The following TLK2 variants were observed in gnomAD, a reference collection of about 807,000 sequenced individuals.
TLK2 encodes serine/threonine-protein kinase tousled-like 2.
TLK2 carries 6 observed loss-of-function variants against 117.3 expected under a neutral mutation model. The ratio of observed to expected loss-of-function variants is 0.05; its 90% CI spans 0.03 to 0.10. TLK2 has a LOEUF of 0.10. Ranked by LOEUF, TLK2 falls within the 10% of genes least tolerant of loss-of-function variation. The pLI is 1.00. For synonymous variants in TLK2, 257 were observed against 316.7 expected, an observed-to-expected ratio of 0.81 and a Z score of 2.00; for missense variants, 299 against 901.2, an observed-to-expected ratio of 0.33 and a Z score of 8.56.
chr17:62,557,072 G>A (rs1421325827), intron 9 of TLK2, among the ~76,000 whole-genome samples: 1 of 152,180 alleles, frequency 6.6e-6, no homozygotes, highest in African/African-American at 2.4e-5. Context: ...CTACAGGCAT[G>A]TGCCACTGTG....
intron 2 of TLK2, among the ~76,000 whole-genome samples, chr17:62,484,277 A>G (rs1279760550): frequency 6.6e-6 from 1 of 152,014 alleles, no homozygotes. Context: ...GAGCCGGGAA[A>G]AGAAAATCTC....
chr17:62,569,405 T>C (rs1249079700), intron 11 of TLK2, among the ~76,000 whole-genome samples: 1 of 151,682 alleles, frequency 6.6e-6, no homozygotes, highest in Admixed American at 6.6e-5. Context: ...TTAAAATAAT[T>C]TTGTTTAAAT....
chr17:62,480,664 A>G (rs1385166052), intron 1 of TLK2, among the ~76,000 whole-genome samples: 2 of 152,184 alleles, frequency 1.3e-5, no homozygotes, highest in Non-Finnish European at 2.9e-5. Context: ...TTCATCCTAT[A>G]TTCTTTTGAA....
intron 6 of TLK2, among the ~76,000 whole-genome samples, chr17:62,530,289 C>G (rs1346472130): frequency 6.6e-6 from 1 of 151,742 alleles, no homozygotes; most frequent in African/African-American, 2.4e-5. Flanking sequence ...AACAAACAAA[C>G]AAACAAACAA....
At chr17:62,524,500 G>A (rs183609653) in intron 6 of TLK2, among the ~76,000 whole-genome samples, 169 bp downstream of exon 6, 2 of 152,290 alleles carry the variant, frequency 1.3e-5, no homozygotes, top group Admixed American at 6.5e-5. Context: ...TCTGTTGTCA[G>A]TAAATTAGCT....
chr17:62,527,271 A>G (rs1376787247), intron 6 of TLK2, among the ~76,000 whole-genome samples: 1 of 152,160 alleles, frequency 6.6e-6, no homozygotes, highest in Non-Finnish European at 1.5e-5. Flanking sequence ...ACTGTACTTT[A>G]TTTTAATTCT....
intron 1 of TLK2, among the ~76,000 whole-genome samples, chr17:62,471,767 T>C (rs1248371598): frequency 6.6e-6 from 1 of 152,004 alleles, no homozygotes; most frequent in African/African-American, 2.4e-5. Context: ...TAGCAAATAC[T>C]GCCTGGCCTT....
intron 10 of TLK2, 111 bp from the exon 11 acceptor site, chr17:62,564,890 A>C: frequency 7.4e-7 from 1 of 1,359,198 alleles, no homozygotes; most frequent in South Asian, 1.5e-5. Flanking sequence ...TGAGAAGTGT[A>C]TGGTTTTCAA....
chr17:62,593,187 G>A (rs952333088), intron 16 of TLK2, among the ~76,000 whole-genome samples: 1 of 152,110 alleles, frequency 6.6e-6, no homozygotes, highest in Non-Finnish European at 1.5e-5. Flanking sequence ...CATAGAAAAG[G>A]TGCAGTAAAT....
At chr17:62,495,783 C>T (rs983743731) in intron 2 of TLK2, among the ~76,000 whole-genome samples, 13 of 151,450 alleles carry the variant, frequency 8.6e-5, no homozygotes, top group Admixed American at 2.0e-4. Context: ...CTCAGCCTCC[C>T]GAGTAGCTCG....
At chr17:62,504,267 A>G (rs1177429561) in intron 2 of TLK2, among the ~76,000 whole-genome samples, 1 of 152,200 alleles carries the variant, frequency 6.6e-6, no homozygotes, top group Non-Finnish European at 1.5e-5. Flanking sequence ...CATCCCCAAC[A>G]TATAGTACTG....
At chr17:62,484,223 A>G (rs1435831622) in intron 2 of TLK2, among the ~76,000 whole-genome samples, 2 of 151,658 alleles carry the variant, frequency 1.3e-5, no homozygotes, top group Non-Finnish European at 2.9e-5. Flanking sequence ...TTTTTTTTCC[A>G]TAACAAAGAA....
upstream of TLK2, among the ~76,000 whole-genome samples, chr17:62,477,201 C>T (rs1017976181): frequency 8.5e-5 from 13 of 152,156 alleles, no homozygotes; most frequent in African/African-American, 2.7e-4. Context: ...TGCCTTGGAC[C>T]GGCTCTTAGG....
intron 1 of TLK2, among the ~76,000 whole-genome samples, chr17:62,472,218 G>A (rs989762718): frequency 2.6e-5 from 4 of 152,010 alleles, no homozygotes; most frequent in Non-Finnish European, 2.9e-5. Context: ...ATAGTCTTAA[G>A]ACTTCACAAA....
At chr17:62,540,090 CTTTCT>C (rs894928085) in intron 7 of TLK2, among the ~76,000 whole-genome samples, 1 of 146,556 alleles carries the variant, frequency 6.8e-6, no homozygotes, top group Non-Finnish European at 1.5e-5. Flanking sequence ...CTTCTTCTTT[CTTTCT>C]TTTCTTTTTT....
intron 21 of TLK2, among the ~76,000 whole-genome samples, chr17:62,610,435 T>C (rs560676175): frequency 2.0e-5 from 3 of 152,172 alleles, no homozygotes; most frequent in Admixed American, 6.5e-5. Flanking sequence ...ATTCCACTTA[T>C]GAGAAAAACA....
rs180737051 is a variant in TLK2, at chr17:62,576,031, G to A, written c.1122-678G>A. On this transcript the variant is annotated intron_variant, in intron 12 of 21. Coordinates refer to ENST00000346027, the MANE Select transcript of TLK2 (RefSeq NM_006852.6). The stretch of plus-strand genomic sequence containing the variant: ...GAGATGTAAGGATGCTGTTGGAGTA[G>A]TTGGAACATGAAACACATGACTACC... Among the ~76,000 whole-genome samples, 98 of 152,306 alleles carry A rather than the reference G, an allele frequency of 6.4e-4. 1 individual carries two copies. Among genetic ancestry groups the A allele is most frequent in the Non-Finnish European group, 1.0e-3 (71 of 68,030 alleles).
At chr17:62,557,064 A>G (rs929427068) in intron 9 of TLK2, among the ~76,000 whole-genome samples, 19 of 152,204 alleles carry the variant, frequency 1.2e-4, no homozygotes, top group African/African-American at 4.6e-4. Flanking sequence ...AGCTGGGACT[A>G]CAGGCATGTG....
chr17:62,516,738 G>A, intron 2 of TLK2: 1 of 1,589,008 alleles, frequency 6.3e-7, no homozygotes, highest in Non-Finnish European at 8.6e-7. Context: ...GTTCATAAAT[G>A]GCAATCCAGT....
Sources: allele counts gnomAD v4.1 joint callset (sites outside exome capture counted in the v4.1 genomes callset), GRCh38; gene constraint gnomAD v4.1.1; transcripts MANE v1.5; gene names NCBI Gene and HGNC (gene_info 2026-07-23, HGNC 2026-07-21).